The following MAF variants were observed in gnomAD, a reference collection of about 807,000 sequenced individuals.
MAF encodes the protein transcription factor Maf.
Under a neutral mutation model 22.0 loss-of-function variants are expected in MAF, and 10 were observed. The observed-to-expected ratio is 0.45, with a 90% confidence interval of 0.28 to 0.77. MAF has a LOEUF of 0.77. Ranked by LOEUF, MAF falls within the 30% of genes least tolerant of loss-of-function variation. The probability of loss-of-function intolerance (pLI) is 0.12; values close to 1 mark genes in which losing one functional copy is unlikely to be tolerated. For synonymous variants in MAF, 337 were observed against 255.8 expected (o/e 1.32, Z -3.03); for missense variants, 544 against 548.4 (o/e 0.99, Z 0.08).
chr16:79,367,299 G>A, the MAF span, among the ~76,000 whole-genome samples: 1 of 152,184 alleles, frequency 6.6e-6, no homozygotes, highest in East Asian at 1.9e-4. Flanking sequence ...TTGATCAGTT[G>A]TACCTTGTCT....
At chr16:79,397,768 GC>G in the MAF span, among the ~76,000 whole-genome samples, 3 of 152,236 alleles carry the variant, frequency 2.0e-5, no homozygotes, top group Admixed American at 6.5e-5. Context: ...TAAGGGTAGA[GC>G]CCCCCTCCCC....
the MAF span, among the ~76,000 whole-genome samples, chr16:79,543,731 G>C: frequency 6.9e-6 from 1 of 144,994 alleles, no homozygotes; most frequent in African/African-American, 2.6e-5. Flanking sequence ...CTGTCGCCCA[G>C]GCTGGAGTGC....
chr16:79,250,396 T>C, the MAF span, among the ~76,000 whole-genome samples: 3 of 152,234 alleles, frequency 2.0e-5, no homozygotes, highest in Non-Finnish European at 4.4e-5. Flanking sequence ...CTGTCTCCAA[T>C]TCCCAAAGAG....
the MAF span, among the ~76,000 whole-genome samples, chr16:79,435,103 G>T: frequency 3.3e-5 from 5 of 152,240 alleles, no homozygotes; most frequent in South Asian, 1.0e-3. Flanking sequence ...GGCATGACTT[G>T]CTCTAAGAAG....
At chr16:79,500,333 T>C in the MAF span, among the ~76,000 whole-genome samples, 7 of 152,200 alleles carry the variant, frequency 4.6e-5, no homozygotes, top group African/African-American at 1.7e-4. Flanking sequence ...GATGGTGTTA[T>C]GTTGTTGCCT....
At chr16:79,248,965 A>G in the MAF span, among the ~76,000 whole-genome samples, 4 of 152,162 alleles carry the variant, frequency 2.6e-5, no homozygotes, top group African/African-American at 9.7e-5. Context: ...TTAAAAATCT[A>G]CTCAGAATGC....
chr16:79,216,080 T>C, the MAF span, among the ~76,000 whole-genome samples: 1 of 152,226 alleles, frequency 6.6e-6, no homozygotes, highest in African/African-American at 2.4e-5. Flanking sequence ...TATTTTAGCT[T>C]ATTCTATGGC....
At chr16:79,462,252 C>G in the MAF span, among the ~76,000 whole-genome samples, 1 of 152,194 alleles carries the variant, frequency 6.6e-6, no homozygotes, top group African/African-American at 2.4e-5. Context: ...TTCTTCCCAC[C>G]AGTTCTATGA....
At chr16:79,561,707 G>A in the MAF span, among the ~76,000 whole-genome samples, 5 of 152,072 alleles carry the variant, frequency 3.3e-5, no homozygotes, top group Non-Finnish European at 7.4e-5. Flanking sequence ...GTCTTGAGGA[G>A]AAGAAGAAAA....
In MAF at chr16:79,599,319, G is replaced by C. The variant is rs1913831531; in HGVS notation, c.584C>G (p.Pro195Arg). 1.0e-6 allele frequency: 1 copy of C among 984,886 alleles called. No homozygotes were observed. The highest frequency in any genetic ancestry group is 5.2e-4 in the Middle Eastern group (1 of 1,924). 61.0% of individuals were successfully genotyped at this position (984,886 alleles called of 1,614,324 possible). Reference protein sequence around the residue: ...HHHAAGHHHHPTAGAPGAAGS... With the variant: ...HHHAAGHHHHRTAGAPGAAGS... ...CGCGGCGCCGGGCGCGCCGGCCGTC[G>C]GGTGGTGGTGGTGGCCGGCGGCGTG... Residue 195 changes from proline (P) to arginine (R), a missense_variant, in exon 1 of 2, where the codon CCG (proline) becomes CGG (arginine). Pro to Arg is a moderately radical substitution (Grantham distance 103, BLOSUM62 -2). This residue lies in a region of MAF where 342 missense variants were observed against 315.5 expected (regional missense o/e 1.08). Coordinates refer to ENST00000326043, the MANE Select transcript of MAF (RefSeq NM_005360.5).
the MAF span, among the ~76,000 whole-genome samples, chr16:79,246,756 A>T: frequency 6.6e-6 from 1 of 152,162 alleles, no homozygotes; most frequent in Admixed American, 6.5e-5. Flanking sequence ...AGAATTCAAC[A>T]TTGGAACTTT....
chr16:79,535,300 A>G, the MAF span, among the ~76,000 whole-genome samples: 2 of 151,834 alleles, frequency 1.3e-5, no homozygotes, highest in Admixed American at 6.6e-5. Context: ...TGATACTATC[A>G]TCTTAACATG....
the MAF span, among the ~76,000 whole-genome samples, chr16:79,564,912 A>T: frequency 6.6e-6 from 1 of 152,186 alleles, no homozygotes; most frequent in African/African-American, 2.4e-5. Context: ...AAAGGGCTGC[A>T]CACTCTCTGC....
chr16:79,567,220 A>G, the MAF span, among the ~76,000 whole-genome samples: 1 of 152,166 alleles, frequency 6.6e-6, no homozygotes, highest in Admixed American at 6.5e-5. Flanking sequence ...TGGGAGGCTG[A>G]GGCAGGAGAA....
the MAF span, among the ~76,000 whole-genome samples, chr16:79,419,621 T>C: frequency 1.3e-5 from 2 of 152,130 alleles, no homozygotes; most frequent in East Asian, 3.9e-4. Flanking sequence ...TCTGACCCGT[T>C]CCTCTTTGAA....
At chr16:79,207,009 C>A in the MAF span, among the ~76,000 whole-genome samples, 1 of 152,128 alleles carries the variant, frequency 6.6e-6, no homozygotes, top group African/African-American at 2.4e-5. Context: ...GTATCCCAAG[C>A]ACCGAGGTAT....
chr16:79,449,734 G>C, the MAF span, among the ~76,000 whole-genome samples: 1 of 152,114 alleles, frequency 6.6e-6, no homozygotes, highest in African/African-American at 2.4e-5. Context: ...GTGTAAAATA[G>C]CAGTCGTTTC....
chr16:79,559,497 T>C, the MAF span, among the ~76,000 whole-genome samples: 1,394 of 152,296 alleles, frequency 9.2e-3, 28 homozygotes, highest in African/African-American at 0.032. Flanking sequence ...TACCTGTTTC[T>C]CTGCCTTCCG....
the MAF span, among the ~76,000 whole-genome samples, chr16:79,293,121 T>G: frequency 6.6e-6 from 1 of 152,200 alleles, no homozygotes; most frequent in East Asian, 1.9e-4. Flanking sequence ...TTAATAAACT[T>G]GCTTTCACTT....
Sources: gnomAD v4.1 joint callset for allele counts (sites outside exome capture counted in the v4.1 genomes callset) on GRCh38, gnomAD v4.1.1 for gene constraint, gnomAD v4.1.1 regional missense constraint, MANE v1.5 for transcripts, NCBI Gene and HGNC (gene_info 2026-07-23, HGNC 2026-07-21) for gene names.